The following CNTN4 variants were observed in gnomAD, a reference collection of about 807,000 sequenced individuals.
CNTN4 encodes the protein contactin 4.
CNTN4 carries 77 observed loss-of-function variants against 122.5 expected under a neutral mutation model. The ratio of observed to expected loss-of-function variants is 0.63; its 90% CI spans 0.52 to 0.76. The LOEUF (loss-of-function observed/expected upper bound fraction) is 0.76. Ranked by LOEUF, CNTN4 falls within the 30% of genes least tolerant of loss-of-function variation. The pLI is 0.00. For missense variants in CNTN4, 1,256 were observed against 1,259.1 expected, an observed-to-expected ratio of 1.00 and a Z score of 0.04; for synonymous variants, 512 against 447.0, an observed-to-expected ratio of 1.15 and a Z score of -1.83.
chr3:2,186,199 C>T (rs9844186), intron 2 of CNTN4, among the ~76,000 whole-genome samples: 21,740 of 150,754 alleles, frequency 0.14, 1,752 homozygotes, highest in East Asian at 0.26. Context: ...TTTGTCCTTG[C>T]GATGGTTTGC....
At chr3:2,554,889 C>T (rs981492708) in intron 3 of CNTN4, among the ~76,000 whole-genome samples, 1 of 152,132 alleles carries the variant, frequency 6.6e-6, no homozygotes, top group Admixed American at 6.6e-5. Flanking sequence ...AACGTTTGTC[C>T]CATGGGATTT....
intron 2 of CNTN4, among the ~76,000 whole-genome samples, chr3:2,297,363 A>G (rs2042350298): frequency 6.6e-6 from 1 of 152,236 alleles, no homozygotes; most frequent in Non-Finnish European, 1.5e-5. Flanking sequence ...AAATGATGTT[A>G]AACATTCTGA....
At chr3:2,608,338 C>T (rs868237064) in intron 4 of CNTN4, among the ~76,000 whole-genome samples, 3 of 152,188 alleles carry the variant, frequency 2.0e-5, no homozygotes, top group South Asian at 2.1e-4. Context: ...CATGCACCTG[C>T]AGCCCCAGCT....
At chr3:2,636,561 T>A (rs2082666114) in intron 4 of CNTN4, among the ~76,000 whole-genome samples, 1 of 152,198 alleles carries the variant, frequency 6.6e-6, no homozygotes. Flanking sequence ...TTAATGCATT[T>A]TTTTATTGGA....
intron 2 of CNTN4, among the ~76,000 whole-genome samples, chr3:2,286,266 A>G (rs1454882821): frequency 6.8e-6 from 1 of 147,758 alleles, no homozygotes; most frequent in Non-Finnish European, 1.5e-5. Flanking sequence ...ATACAAATAC[A>G]TATTTGGACT....
intron 14 of CNTN4, among the ~76,000 whole-genome samples, chr3:3,021,260 C>A (rs1012556126): frequency 7.9e-5 from 12 of 152,286 alleles, no homozygotes; most frequent in African/African-American, 2.6e-4. Flanking sequence ...AGAATTGATA[C>A]AGTTTATCTT....
intron 4 of CNTN4, among the ~76,000 whole-genome samples, chr3:2,582,010 G>A (rs768775772): frequency 5.9e-5 from 9 of 152,200 alleles, no homozygotes; most frequent in Non-Finnish European, 1.0e-4. Context: ...GATAAGGAAC[G>A]ACTGCTGTTG....
intron 3 of CNTN4, among the ~76,000 whole-genome samples, chr3:2,379,348 G>C (rs2045935507): frequency 6.6e-6 from 1 of 151,594 alleles, no homozygotes; most frequent in Non-Finnish European, 1.5e-5. Flanking sequence ...ATGCAGATCT[G>C]CCTATTATAG....
chr3:2,967,405 G>A (rs538863371), intron 13 of CNTN4, among the ~76,000 whole-genome samples: 14 of 152,104 alleles, frequency 9.2e-5, no homozygotes, highest in Non-Finnish European at 1.3e-4. Context: ...CTGGCCTCAC[G>A]ACTCCTAAAC....
At chr3:2,601,047 T>G (rs2149742139) in intron 4 of CNTN4, among the ~76,000 whole-genome samples, 2 of 152,310 alleles carry the variant, frequency 1.3e-5, no homozygotes, top group Admixed American at 6.5e-5. Flanking sequence ...TTGATGGGGT[T>G]GTTGTATTTT....
At chr3:2,345,130 C>T (rs976788383) in intron 3 of CNTN4, among the ~76,000 whole-genome samples, 1 of 152,314 alleles carries the variant, frequency 6.6e-6, no homozygotes, top group African/African-American at 2.4e-5. Flanking sequence ...ACTAAGAGAA[C>T]ACATCCCTGT....
At chr3:2,591,978 A>G (rs1278978522) in intron 4 of CNTN4, among the ~76,000 whole-genome samples, 2 of 152,088 alleles carry the variant, frequency 1.3e-5, no homozygotes, top group Non-Finnish European at 2.9e-5. Flanking sequence ...CCTGGGCTCA[A>G]GGCATCCCCC....
Position 2,260,714 on chromosome 3 carries a change from TTTTTA to T in CNTN4, c.-144-78455_-144-78451del, listed in dbSNP as rs1240110709. 3.4e-5 allele frequency among the ~76,000 whole-genome samples: 5 copies of T among 145,172 alleles called. No individual in the cohort carries two copies. The East Asian group carries it at 1.0e-3, about 29-fold the overall frequency. On this transcript the variant is annotated intron_variant, in intron 2 of 24. Transcript: ENST00000418658. ...TTAAGTTTTCTTTTCTTTTCTTTTC[TTTTTA>T]TTTTATTTATTTATTTTTTTTTTGA...
At chr3:2,688,348 C>G (rs1242646419) in intron 4 of CNTN4, among the ~76,000 whole-genome samples, 3 of 152,152 alleles carry the variant, frequency 2.0e-5, no homozygotes, top group African/African-American at 7.2e-5. Flanking sequence ...CACCCAAGAA[C>G]CAAAGGAATC....
intron 2 of CNTN4, among the ~76,000 whole-genome samples, chr3:2,291,720 A>G (rs889582494): frequency 6.6e-6 from 1 of 151,778 alleles, no homozygotes; most frequent in Non-Finnish European, 1.5e-5. Flanking sequence ...ATAATATTTT[A>G]TTTTATTTTA....
rs754692353 is a variant in CNTN4 at position 3,040,290 on chromosome 3, A to G, written c.2398+19A>G. On this transcript the variant is annotated intron_variant, in intron 20 of 24. Coordinates refer to ENST00000418658, the MANE Select transcript of CNTN4 (RefSeq NM_175607.3). ...GAAGAAGGTATCGTTTATGCTGCCT[A>G]GATCATTGACTGTTAATATTTCTTC... The G allele has an allele frequency of 6.5e-7, 1 of 1,526,992 alleles. No individual in the cohort carries two copies. The highest frequency in any genetic ancestry group is 9.1e-7 in the Non-Finnish European group (1 of 1,100,450). 94.6% of individuals were successfully genotyped at this position (1,526,992 alleles called of 1,614,324 possible). A position where few individuals can be genotyped will look rare whatever the true frequency, so the allele number is the denominator to read the frequency against.
chr3:2,706,082 A>G (rs958374907), intron 4 of CNTN4, among the ~76,000 whole-genome samples: 2 of 149,070 alleles, frequency 1.3e-5, no homozygotes, highest in African/African-American at 2.5e-5. Context: ...CACTAAGTGT[A>G]AAGTTCTCAT....
chr3:2,851,757 T>G (rs2093554141), intron 7 of CNTN4, among the ~76,000 whole-genome samples: 1 of 152,190 alleles, frequency 6.6e-6, no homozygotes. Context: ...ACTTACCTAC[T>G]GCCTTTTCCA....
At chr3:2,131,891 A>G (rs185812397) in intron 2 of CNTN4, among the ~76,000 whole-genome samples, 29 of 152,282 alleles carry the variant, frequency 1.9e-4, no homozygotes, top group Middle Eastern at 3.4e-3. Context: ...GAGCAACAGT[A>G]CATCTCCCAA....
Sources: allele counts gnomAD v4.1 joint callset (sites outside exome capture counted in the v4.1 genomes callset), GRCh38; gene constraint gnomAD v4.1.1; transcripts MANE v1.5; gene names NCBI Gene and HGNC (gene_info 2026-07-23, HGNC 2026-07-21).